MRPS35: variants seen among roughly 807,000 people sequenced by gnomAD.
MRPS35 encodes small ribosomal subunit protein mS35.
Under a neutral mutation model 32.7 loss-of-function variants are expected in MRPS35, and 29 were observed. That is an observed-to-expected ratio of 0.89 (90% confidence interval 0.66 to 1.21). The LOEUF (loss-of-function observed/expected upper bound fraction) is 1.21, where lower values mean the gene tolerates loss of function less well. MRPS35 is among the 50% of genes most tolerant of loss of function. The pLI is 0.00. For missense variants in MRPS35, 373 were observed against 383.8 expected (o/e 0.97, Z 0.23); for synonymous variants, 148 against 139.3 (o/e 1.06, Z -0.44).
chr12:27,754,913 G>A (rs1189360901), intron 7 of MRPS35, among the ~76,000 whole-genome samples: 1 of 152,128 alleles, frequency 6.6e-6, no homozygotes, highest in East Asian at 1.9e-4. Context: ...TGTGGATAGA[G>A]TAGCGAGTGG....
chr12:27,730,558 T>C (rs2061918200), intron 5 of MRPS35, among the ~76,000 whole-genome samples: 1 of 152,180 alleles, frequency 6.6e-6, no homozygotes, highest in Non-Finnish European at 1.5e-5. Flanking sequence ...CTGGTGATCC[T>C]CCCACCTTTG....
chr12:27,731,726 AC>A lies in MRPS35; in HGVS notation c.523-3718del, dbSNP rs199985898. Among the ~76,000 whole-genome samples the A allele has an allele frequency of 3.1e-3, 471 of 152,120 alleles. 2 individuals carry two copies. The highest frequency in any genetic ancestry group is 0.011 in the African/African-American group (442 of 41,512). On this transcript the variant is annotated intron_variant, in intron 5 of 7. Coordinates refer to ENST00000081029, the MANE Select transcript of MRPS35 (RefSeq NM_021821.4). ...TGGAATTATAGGAATGCTCCACCAC[AC>A]CCAGCTAATTTTTGTATTTTTAGTA...
chr12:27,719,768 G>C, intron 3 of MRPS35, 40 bp from the exon 4 acceptor site: 1 of 1,241,192 alleles, frequency 8.1e-7, no homozygotes. Flanking sequence ...ATGTTTTTAA[G>C]ACATTTAGCT....
intron 6 of MRPS35, among the ~76,000 whole-genome samples, chr12:27,736,711 G>A (rs1555106674): frequency 3.9e-5 from 6 of 152,058 alleles, no homozygotes; most frequent in Non-Finnish European, 8.8e-5. Context: ...AGCTCAATGT[G>A]TCATCTCATG....
At chr12:27,726,054 C>A (rs1418069474) in intron 5 of MRPS35, among the ~76,000 whole-genome samples, 1 of 151,282 alleles carries the variant, frequency 6.6e-6, no homozygotes, top group Non-Finnish European at 1.5e-5. Context: ...AGGCGATCTG[C>A]CTGCCTTGGG....
Position 27,719,854 on chromosome 12 carries a change from G to A in MRPS35, c.368G>A (p.Cys123Tyr), listed in dbSNP as rs554715045. 7 of 1,606,532 alleles carry A rather than the reference G, an allele frequency of 4.4e-6. No homozygotes were observed. In the South Asian group the frequency reaches 4.4e-5, roughly 10 times the overall value. Reference sequence around the variant, plus strand: ...ACTCCTGTAGCAATTAAAAAGCACTGTGAAGCCCTTAAAGGTAAGTGGTTA... The same window carrying A: ...ACTCCTGTAGCAATTAAAAAGCACTATGAAGCCCTTAAAGGTAAGTGGTTA... The part of the protein sequence containing the change: ...HLTPVAIKKH[C>Y]EALKDFCTEW... Residue 123 changes from cysteine (C) to tyrosine (Y), a missense_variant, in exon 4 of 8, where the codon TGT (cysteine) becomes TAT (tyrosine). Physicochemically the swap from Cys to Tyr is radical, Grantham distance 194. Transcript: ENST00000081029.
intron 5 of MRPS35, among the ~76,000 whole-genome samples, chr12:27,734,484 G>A (rs760265927): frequency 1.3e-5 from 2 of 151,948 alleles, no homozygotes; most frequent in Admixed American, 6.6e-5. Flanking sequence ...CAGGTGATCC[G>A]CCCGCCTCGG....
At position 27,724,126 on chromosome 12, in the gene MRPS35, T is replaced by C. The variant is rs1031303250; in HGVS notation, c.462T>C (p.Thr154=). ...ATTTTCCAATTGAAATTGACAGCAC[T>C]GATTATGTTTCATCAGGACCATCTG... ...EKHFPIEIDS[T]DYVSSGPSVR... is the part of the protein sequence containing the mutation. The change falls in exon 5 of 8, where the codon ACT becomes ACC. Residue 154 remains threonine, a synonymous_variant. Transcript: ENST00000081029. 6.2e-6 allele frequency: 10 copies of C among 1,613,144 alleles called. No homozygotes were observed. Among genetic ancestry groups the C allele is most frequent in the Non-Finnish European group, 6.8e-6 (8 of 1,179,658 alleles).
At chr12:27,746,825 C>T (rs370603021) in intron 7 of MRPS35, among the ~76,000 whole-genome samples, 164 of 152,308 alleles carry the variant, frequency 1.1e-3, no homozygotes, top group African/African-American at 3.6e-3. Flanking sequence ...TTTCGGTTTT[C>T]GCTTTTAAAT....
At chr12:27,741,428 G>C (rs1424271814) in intron 7 of MRPS35, among the ~76,000 whole-genome samples, 4 of 152,016 alleles carry the variant, frequency 2.6e-5, no homozygotes, top group African/African-American at 4.8e-5. Flanking sequence ...CAAATAGTGG[G>C]CTCTCCATAA....
chr12:27,750,769 T>C (rs4931383), intron 7 of MRPS35, among the ~76,000 whole-genome samples: 107,017 of 152,000 alleles, frequency 0.7, 38,341 homozygotes, highest in African/African-American at 0.84. Flanking sequence ...AGTGCCACTG[T>C]GCTCCAGCCT....
chr12:27,719,985 T>G, intron 4 of MRPS35, 117 bp downstream of exon 4: 1 of 721,258 alleles, frequency 1.4e-6, no homozygotes, highest in Non-Finnish European at 2.3e-6. Context: ...AATTGTTACA[T>G]GTCAAGTCTG....
chr12:27,720,958 A>G (rs896247971), intron 4 of MRPS35, among the ~76,000 whole-genome samples: 1 of 152,008 alleles, frequency 6.6e-6, no homozygotes, highest in Non-Finnish European at 1.5e-5. Flanking sequence ...TTTATTTAGG[A>G]GTTGGTACCT....
intron 4 of MRPS35, among the ~76,000 whole-genome samples, chr12:27,721,913 C>A (rs1035684): frequency 0.51 from 77,322 of 151,940 alleles, 19,907 homozygotes; most frequent in Admixed American, 0.63. Flanking sequence ...ATAGTGAGAT[C>A]ATGTCTCTAC....
rs80354398 is a variant in MRPS35 at position 27,737,731 on chromosome 12, T to C, written c.702+123T>C. 2.3e-3 allele frequency: 1,654 copies of C among 716,670 alleles called. 17 individuals are homozygous for C. The African/African-American group carries it at 0.027, about 12-fold the overall frequency. 44.4% of individuals were successfully genotyped at this position (716,670 alleles called of 1,614,324 possible). A position where few individuals can be genotyped will look rare whatever the true frequency, so the allele number is the denominator to read the frequency against. ...TGTGAACTGCTGAATAATCTAAGTA[T>C]GTATGAAATGTCATAGGTAGCTTCT... On this transcript the variant is annotated intron_variant, in intron 7 of 7. Coordinates refer to ENST00000081029, the MANE Select transcript of MRPS35 (RefSeq NM_021821.4).
At chr12:27,726,455 A>G (rs1316525174) in intron 5 of MRPS35, among the ~76,000 whole-genome samples, 1 of 152,122 alleles carries the variant, frequency 6.6e-6, no homozygotes, top group East Asian at 1.9e-4. Flanking sequence ...GAACATTCAC[A>G]TACAGGTTTT....
chr12:27,735,404 T>G (rs2061939253), intron 5 of MRPS35, 43 bp from the exon 6 acceptor site: 4 of 1,415,518 alleles, frequency 2.8e-6, no homozygotes, highest in Non-Finnish European at 3.9e-6. Context: ...CACTAAACAA[T>G]TATATGAAAT....
At chr12:27,726,110 C>T (rs184273570) in intron 5 of MRPS35, among the ~76,000 whole-genome samples, 101 of 151,590 alleles carry the variant, frequency 6.7e-4, no homozygotes, top group Middle Eastern at 3.4e-3. Context: ...ACTACAGGGC[C>T]GTTGTTTCTT....
At chr12:27,741,630 T>C (rs1338317435) in intron 7 of MRPS35, among the ~76,000 whole-genome samples, 2 of 152,192 alleles carry the variant, frequency 1.3e-5, no homozygotes, top group Admixed American at 6.5e-5. Flanking sequence ...ACATAATTGA[T>C]GATAACACAA....
Sources: gnomAD v4.1 joint callset for allele counts (sites outside exome capture counted in the v4.1 genomes callset) on GRCh38, gnomAD v4.1.1 for gene constraint, MANE v1.5 for transcripts, NCBI Gene and HGNC (gene_info 2026-07-23, HGNC 2026-07-21) for gene names.